Variants in ANGPT1 observed in about 807,000 individuals in gnomAD.
The protein encoded by ANGPT1 is angiopoietin 1, also known as angiopoietin-1.
ANGPT1 carries 17 observed loss-of-function variants against 62.2 expected under a neutral mutation model. The observed-to-expected ratio is 0.27, with a 90% confidence interval of 0.19 to 0.41. The LOEUF (loss-of-function observed/expected upper bound fraction) is 0.41, where lower values mean the gene tolerates loss of function less well. Among genes scored for constraint, ANGPT1 ranks in the 10% least tolerant of loss-of-function variants. The pLI, the probability that ANGPT1 is intolerant of heterozygous loss-of-function variation, is 1.00. For missense variants in ANGPT1, 478 were observed against 594.9 expected (o/e 0.80, Z 2.04); for synonymous variants, 199 against 198.9 (o/e 1.00, Z 0.00).
intron 8 of ANGPT1, among the ~76,000 whole-genome samples, chr8:107,259,954 T>C: frequency 6.6e-6 from 1 of 152,136 alleles, no homozygotes; most frequent in East Asian, 1.9e-4. Flanking sequence ...AAAGTATGCA[T>C]TGAATGAGAT....
At chr8:107,315,824 C>T (rs1815001186) in intron 4 of ANGPT1, among the ~76,000 whole-genome samples, 1 of 152,088 alleles carries the variant, frequency 6.6e-6, no homozygotes, top group South Asian at 2.1e-4. Flanking sequence ...TAGCCGTTTG[C>T]ATCTGGTTTC....
rs763003871 is a variant in ANGPT1 at position 107,257,875 on chromosome 8, TG to T, written c.1337-5861del. Among the ~76,000 whole-genome samples the T allele has an allele frequency of 7.6e-3, 451 of 59,600 alleles. 13 individuals are homozygous for T. The highest frequency in any genetic ancestry group is 0.012 in the African/African-American group (185 of 15,012). 39.1% of individuals were successfully genotyped at this position (59,600 alleles called of 152,430 possible). ...CCTCTTCAGGCCAAGGACTTGTTTT[TG>T]TTTCTTTTTTGTTTGTTTGTTTGTT... On this transcript the variant is annotated intron_variant, in intron 8 of 8. Transcript: ENST00000517746.
intron 1 of ANGPT1, among the ~76,000 whole-genome samples, chr8:107,454,411 A>G (rs1296639828): frequency 1.3e-5 from 2 of 152,110 alleles, no homozygotes; most frequent in Non-Finnish European, 2.9e-5. Flanking sequence ...TTCTCAAACA[A>G]GTCACTTAGA....
At chr8:107,379,354 G>A (rs1335943386) in intron 1 of ANGPT1, among the ~76,000 whole-genome samples, 1 of 152,078 alleles carries the variant, frequency 6.6e-6, no homozygotes, top group African/African-American at 2.4e-5. Context: ...TTTCCTTAGT[G>A]GAACTGGAAG....
intron 1 of ANGPT1, among the ~76,000 whole-genome samples, chr8:107,358,723 G>A (rs796065867): frequency 1.3e-5 from 2 of 152,284 alleles, no homozygotes; most frequent in African/African-American, 4.8e-5. Flanking sequence ...AACAAGCTGG[G>A]AGAACTGGAT....
At chr8:107,470,612 C>T (rs911944797) in intron 1 of ANGPT1, among the ~76,000 whole-genome samples, 9 of 152,192 alleles carry the variant, frequency 5.9e-5, no homozygotes, top group East Asian at 3.9e-4. Flanking sequence ...ATTTCTTTTG[C>T]TGTGCAGAAG....
rs570824272 is a variant in ANGPT1, at chr8:107,293,110, T to C, written c.1038+826A>G. Reference sequence around the variant, plus strand: ...TCTCTGTTTCCTTTTAAAATGGGCATAGTGTTAGTTAATAGGGCTGATATT... The same window carrying C: ...TCTCTGTTTCCTTTTAAAATGGGCACAGTGTTAGTTAATAGGGCTGATATT... On this transcript the variant is annotated intron_variant, in intron 6 of 8. Transcript: ENST00000517746. 3.9e-5 allele frequency among the ~76,000 whole-genome samples: 6 copies of C among 152,264 alleles called. No homozygotes were observed. In the South Asian group the frequency reaches 6.2e-4, roughly 16 times the overall value.
chr8:107,449,400 G>GCACACACACACACACACACA (rs10537811), intron 1 of ANGPT1, among the ~76,000 whole-genome samples: 2 of 148,106 alleles, frequency 1.4e-5, no homozygotes, highest in African/African-American at 5.0e-5. Flanking sequence ...ACACACACAT[G>GCACACACACACACACACACA]CACACACACA....
chr8:107,448,522 C>T (rs1811676982), intron 1 of ANGPT1, among the ~76,000 whole-genome samples: 1 of 152,070 alleles, frequency 6.6e-6, no homozygotes, highest in Non-Finnish European at 1.5e-5. Flanking sequence ...GGTAATCTCC[C>T]AACTCTGCTC....
At chr8:107,496,769 T>C (rs1813111054) in intron 1 of ANGPT1, among the ~76,000 whole-genome samples, 1 of 152,180 alleles carries the variant, frequency 6.6e-6, no homozygotes, top group Non-Finnish European at 1.5e-5. Context: ...CCAAATATCA[T>C]ATTTTATATT....
intron 1 of ANGPT1, among the ~76,000 whole-genome samples, chr8:107,407,268 G>GT (rs5893857): frequency 0.76 from 113,835 of 149,272 alleles, 43,372 homozygotes; most frequent in East Asian, 0.83. Flanking sequence ...TGTAGACCAT[G>GT]TTTTTTTTTT....
chr8:107,327,681 C>G (rs560510255), intron 3 of ANGPT1, among the ~76,000 whole-genome samples: 1 of 152,016 alleles, frequency 6.6e-6, no homozygotes, highest in Non-Finnish European at 1.5e-5. Context: ...GCTAGAAATC[C>G]AAGGAGAGAG....
chr8:107,317,639 T>A (rs565454526), intron 4 of ANGPT1, among the ~76,000 whole-genome samples: 33 of 151,594 alleles, frequency 2.2e-4, no homozygotes, highest in African/African-American at 7.0e-4. Context: ...TTTTTATTTT[T>A]TTTTTTTTTG....
intron 6 of ANGPT1, among the ~76,000 whole-genome samples, chr8:107,287,259 G>T (rs1814164791): frequency 6.6e-6 from 1 of 152,124 alleles, no homozygotes; most frequent in Non-Finnish European, 1.5e-5. Flanking sequence ...GTGATCCTGG[G>T]TGAGCCTTAG....
chr8:107,416,361 G>A (rs1364425587), intron 1 of ANGPT1, among the ~76,000 whole-genome samples: 1 of 152,164 alleles, frequency 6.6e-6, no homozygotes, highest in East Asian at 1.9e-4. Context: ...TATCATAAAG[G>A]ACATTTTAAA....
At chr8:107,318,396 ACT>A (rs1463983025) in intron 4 of ANGPT1, among the ~76,000 whole-genome samples, 3 of 152,154 alleles carry the variant, frequency 2.0e-5, no homozygotes, top group African/African-American at 2.4e-5. Context: ...AAACAAAAGC[ACT>A]CTCTGAATGC....
At chr8:107,253,102 G>T (rs1470353789) in intron 8 of ANGPT1, among the ~76,000 whole-genome samples, 1 of 152,182 alleles carries the variant, frequency 6.6e-6, no homozygotes, top group Non-Finnish European at 1.5e-5. Flanking sequence ...GCTGGCTTGT[G>T]TTTATAAAGT....
At chr8:107,429,996 A>G (rs1811138593) in intron 1 of ANGPT1, among the ~76,000 whole-genome samples, 1 of 152,198 alleles carries the variant, frequency 6.6e-6, no homozygotes. Context: ...GTGATTTTTC[A>G]TTTTTAAAGT....
rs776094987 is a variant in ANGPT1, at chr8:107,347,135, G to T, written c.298-38C>A. On this transcript the variant is annotated intron_variant, in intron 1 of 8. Transcript: ENST00000517746. ...AAGAACAAAACATATTACATTATAAGCAAGGCCTCCCAGTTCGGGCATGTA... is the reference window on the plus strand; with the variant it reads ...AAGAACAAAACATATTACATTATAATCAAGGCCTCCCAGTTCGGGCATGTA... 4.1e-5 allele frequency: 64 copies of T among 1,573,432 alleles called. 1 individual carries two copies. In the South Asian group the frequency reaches 4.5e-4, roughly 11 times the overall value.
Sources: allele counts gnomAD v4.1 joint callset (sites outside exome capture counted in the v4.1 genomes callset), GRCh38; gene constraint gnomAD v4.1.1; transcripts MANE v1.5; gene names NCBI Gene and HGNC (gene_info 2026-07-23, HGNC 2026-07-21).